The following TTLL1 variants were observed in gnomAD, a reference collection of about 807,000 sequenced individuals.
The protein encoded by TTLL1 is polyglutamylase complex subunit TTLL1.
A neutral mutation model predicts 47.8 loss-of-function variants in TTLL1; 33 were observed. That is an observed-to-expected ratio of 0.69 (90% confidence interval 0.52 to 0.92). The LOEUF is 0.92. Ranked by LOEUF, TTLL1 falls within the 40% of genes least tolerant of loss-of-function variation. TTLL1 has a pLI of 0.00. For missense variants in TTLL1, 488 were observed against 547.5 expected (o/e 0.89, Z 1.08); for synonymous variants, 225 against 214.1 (o/e 1.05, Z -0.45).
chr22:43,042,401 G>A lies in TTLL1; in HGVS notation c.1143-2496C>T, dbSNP rs3747195. ...AGAATCAGAGCCAAGATGGCTCTTCGAAGTTCCTGTTCTAGCAGGCTTTTC... is the reference window on the plus strand; with the variant it reads ...AGAATCAGAGCCAAGATGGCTCTTCAAAGTTCCTGTTCTAGCAGGCTTTTC... On this transcript the variant is annotated intron_variant, in intron 10 of 10. Transcript: ENST00000266254. Among the ~76,000 whole-genome samples, 69 of 152,334 alleles carry A rather than the reference G, an allele frequency of 4.5e-4. No individual in the cohort carries two copies. The East Asian group carries it at 0.013, about 29-fold the overall frequency.
Position 43,063,913 on chromosome 22 carries a change from A to G in TTLL1, c.647T>C (p.Leu216Pro). The G allele has an allele frequency of 6.2e-7, 1 of 1,614,122 alleles. No individual in the cohort carries two copies. Among genetic ancestry groups the G allele is most frequent in the Non-Finnish European group, 8.5e-7 (1 of 1,179,994 alleles). ...YRPLRCYMYK[L>P]GFCRFCTVKY... ...CACTGTGCAGAACCGGCAAAACCCA[A>G]GCTTGTACCTAGGAGGGAATGTAGA... Residue 216 changes from leucine (L) to proline (P), a missense_variant, in exon 7 of 11, where the codon CTT becomes CCT. Transcript: ENST00000266254.
In TTLL1 at chr22:43,046,463, GTCTGGGATT is replaced by G; in HGVS notation, c.1080_1088del (p.Glu360_Pro362del). On this transcript the variant is annotated inframe_deletion, in exon 10 of 11. Transcript: ENST00000266254. ...TAGGTGGCGACTTGTTCCATTTGCA[GTCTGGGATT>G]TCACCATTCGGGACGGCGATGTTGA... is the stretch of plus-strand genomic sequence containing the variant. The G allele has an allele frequency of 6.2e-7, 1 of 1,614,096 alleles. No homozygotes were observed. The highest frequency in any genetic ancestry group is 8.5e-7 in the Non-Finnish European group (1 of 1,180,032).
At chr22:43,057,689 C>A (rs923699043) in intron 8 of TTLL1, among the ~76,000 whole-genome samples, 1 of 148,246 alleles carries the variant, frequency 6.7e-6, no homozygotes, top group Non-Finnish European at 1.5e-5. Context: ...ACAGACCATA[C>A]TTGCCCTCAG....
chr22:43,079,500 C>T (rs1928742993), intron 2 of TTLL1, among the ~76,000 whole-genome samples: 1 of 152,242 alleles, frequency 6.6e-6, no homozygotes, highest in South Asian at 2.1e-4. Flanking sequence ...TCAGCCTCCA[C>T]AGCTGTGATT....
chr22:43,070,468 C>T (rs1928045996), intron 3 of TTLL1, among the ~76,000 whole-genome samples: 1 of 152,110 alleles, frequency 6.6e-6, no homozygotes, highest in Non-Finnish European at 1.5e-5. Flanking sequence ...TGCTCAGAGC[C>T]AGAGTCACAA....
chr22:43,078,664 T>C (rs959110571), intron 2 of TTLL1, among the ~76,000 whole-genome samples: 52 of 152,170 alleles, frequency 3.4e-4, no homozygotes, highest in Non-Finnish European at 6.2e-4. Context: ...GGCAGGATGA[T>C]GACAACACCC....
In TTLL1 at chr22:43,063,897, G is replaced by A. The variant is rs745945440; in HGVS notation, c.663C>T (p.Phe221=). The A allele has an allele frequency of 1.3e-5, 21 of 1,614,164 alleles. No homozygotes were observed. The highest frequency in any genetic ancestry group is 1.8e-5 in the Non-Finnish European group (21 of 1,180,028). Residue 221 remains phenylalanine (F), a synonymous_variant, in exon 7 of 11, where the codon TTC becomes TTT. Coordinates refer to ENST00000266254, the MANE Select transcript of TTLL1 (RefSeq NM_012263.5). The stretch of plus-strand genomic sequence containing the variant: ...TACTCGGGGTGTATTTCACTGTGCA[G>A]AACCGGCAAAACCCAAGCTTGTACC... ...CYMYKLGFCR[F]CTVKYTPSTS... is the part of the protein sequence containing the mutation.
In TTLL1 at chr22:43,059,496, C is replaced by T; in HGVS notation, c.779G>A (p.Trp260Ter). The change falls in exon 8 of 11, where the codon TGG becomes TAG. Residue 260 changes from tryptophan to a stop codon, truncating the protein, a stop_gained. Coordinates refer to ENST00000266254, the MANE Select transcript of TTLL1 (RefSeq NM_012263.5). LOFTEE classifies it high-confidence loss of function. ...GTAGAGCCGCAGGTTACTCACTGTC[C>T]ACTTGCCCCCATGGATGTGGTTGTA... The part of the protein sequence containing the change: ...EDYNHIHGGK[W>*]TVSNLRLYLE... 1 of 1,613,708 alleles carries T rather than the reference C, an allele frequency of 6.2e-7. No homozygotes were observed. Among genetic ancestry groups the T allele is most frequent in the Non-Finnish European group, 8.5e-7 (1 of 1,179,842 alleles).
At chr22:43,064,583 C>T (rs950811684) in intron 5 of TTLL1, among the ~76,000 whole-genome samples, 20 of 151,574 alleles carry the variant, frequency 1.3e-4, no homozygotes, top group African/African-American at 4.1e-4. Flanking sequence ...AAAATTAGCC[C>T]GGTGTGGTGG....
chr22:43,073,910 C>G (rs1412459320), intron 3 of TTLL1, among the ~76,000 whole-genome samples: 1 of 151,818 alleles, frequency 6.6e-6, no homozygotes, highest in Non-Finnish European at 1.5e-5. Flanking sequence ...CAACCTCCAC[C>G]TCCTGGGTTC....
intron 2 of TTLL1, among the ~76,000 whole-genome samples, chr22:43,077,435 C>G (rs115474560): frequency 6.6e-6 from 1 of 152,190 alleles, no homozygotes; most frequent in African/African-American, 2.4e-5. Context: ...CTGTACCCCT[C>G]GGCAACCCTG....
At chr22:43,089,227 GC>G (rs1181808319) in intron 1 of TTLL1, 49 bp downstream of exon 1, 1 of 152,424 alleles carries the variant, frequency 6.6e-6, no homozygotes, top group African/African-American at 2.4e-5. Flanking sequence ...CCCGCGCGCA[GC>G]CACACCCTCG....
chr22:43,070,659 T>G (rs1928057103), intron 3 of TTLL1, among the ~76,000 whole-genome samples: 1 of 151,988 alleles, frequency 6.6e-6, no homozygotes, highest in Non-Finnish European at 1.5e-5. Context: ...TCCATCACAC[T>G]CAGAAGGAGA....
At chr22:43,063,461 C>T (rs971864284) in intron 7 of TTLL1, among the ~76,000 whole-genome samples, 2 of 137,226 alleles carry the variant, frequency 1.5e-5, no homozygotes, top group African/African-American at 6.0e-5. Flanking sequence ...CAAAGTCGGT[C>T]CTTTTTTTTT....
intron 7 of TTLL1, among the ~76,000 whole-genome samples, chr22:43,062,170 C>A (rs1927425969): frequency 6.6e-6 from 1 of 151,798 alleles, no homozygotes; most frequent in South Asian, 2.1e-4. Flanking sequence ...TCCAGATAAA[C>A]CCATAGCAAG....
At chr22:43,074,700 C>A (rs1171529546) in intron 3 of TTLL1, among the ~76,000 whole-genome samples, 1 of 151,694 alleles carries the variant, frequency 6.6e-6, no homozygotes, top group Non-Finnish European at 1.5e-5. Context: ...AATAAATAAA[C>A]AGCAGCTTTA....
At chr22:43,045,085 ACTC>A (rs755058726) in intron 10 of TTLL1, among the ~76,000 whole-genome samples, 3 of 151,334 alleles carry the variant, frequency 2.0e-5, no homozygotes, top group Non-Finnish European at 4.4e-5. Flanking sequence ...CTGGTCTTGA[ACTC>A]CTGAGCTCGT....
In TTLL1 at chr22:43,087,607, G is replaced by A. The variant is rs182008334; in HGVS notation, c.-90+1670C>T. ...AATCCCAACACTTTGGGAGGCCAAG[G>A]TGGGTAGATCACCTGAGGTCAGGAA... On this transcript the variant is annotated intron_variant, in intron 1 of 10. Transcript: ENST00000266254. Among the ~76,000 whole-genome samples, 735 of 150,972 alleles carry A rather than the reference G, an allele frequency of 4.9e-3. 10 individuals carry two copies. The highest frequency in any genetic ancestry group is 0.017 in the African/African-American group (695 of 41,036).
chr22:43,085,988 G>T (rs1160174082), intron 1 of TTLL1, among the ~76,000 whole-genome samples: 1 of 152,194 alleles, frequency 6.6e-6, no homozygotes, highest in Non-Finnish European at 1.5e-5. Flanking sequence ...AAAATCGTGT[G>T]TAGACAAGTG....
Sources: allele counts gnomAD v4.1 joint callset (sites outside exome capture counted in the v4.1 genomes callset), GRCh38; gene constraint gnomAD v4.1.1; transcripts MANE v1.5; gene names NCBI Gene and HGNC (gene_info 2026-07-23, HGNC 2026-07-21).